The following OTOF variants were observed in gnomAD, a reference collection of about 807,000 sequenced individuals.
The protein encoded by OTOF is fer-1-like family member 2.
A neutral mutation model predicts 236.8 loss-of-function variants in OTOF; 218 were observed. That is an observed-to-expected ratio of 0.92 (90% CI 0.82 to 1.03). The LOEUF (loss-of-function observed/expected upper bound fraction) is 1.03. OTOF is among the 50% of genes least tolerant of loss of function. The probability of loss-of-function intolerance (pLI) is 0.00; values close to 1 mark genes in which losing one functional copy is unlikely to be tolerated. For synonymous variants in OTOF, 1,041 were observed against 1,072.5 expected (o/e 0.97, Z 0.57); for missense variants, 2,590 against 2,694.4 (o/e 0.96, Z 0.86).
At chr2:26,535,811 ACT>A (rs1317278649) in intron 2 of OTOF, among the ~76,000 whole-genome samples, 1 of 151,514 alleles carries the variant, frequency 6.6e-6, no homozygotes, top group African/African-American at 2.4e-5. Flanking sequence ...GCAGAGACAG[ACT>A]CTCCCCCTGA....
At chr2:26,511,071 A>G (rs1408876269) in intron 5 of OTOF, among the ~76,000 whole-genome samples, 4 of 152,166 alleles carry the variant, frequency 2.6e-5, no homozygotes, top group Non-Finnish European at 4.4e-5. Context: ...TGATTCCACA[A>G]TGTGGGTCGC....
chr2:26,548,905 G>T (rs528153445), intron 1 of OTOF, among the ~76,000 whole-genome samples: 6 of 152,124 alleles, frequency 3.9e-5, no homozygotes, highest in Non-Finnish European at 8.8e-5. Flanking sequence ...TGTAAATGAG[G>T]TTATACAGTA....
chr2:26,553,590 C>T (rs553354306), intron 1 of OTOF, among the ~76,000 whole-genome samples: 9 of 152,296 alleles, frequency 5.9e-5, no homozygotes, highest in Middle Eastern at 3.4e-3. Flanking sequence ...CACGTGTGGT[C>T]GCAGTAAGGC....
intron 16 of OTOF, 63 bp downstream of exon 16, chr2:26,480,140 C>G: frequency 1.1e-6 from 1 of 925,650 alleles, no homozygotes; most frequent in South Asian, 1.3e-5. Context: ...GCAGCCTAGG[C>G]CTGAAGCCCC....
intron 46 of OTOF, 42 bp downstream of exon 46, chr2:26,459,966 G>A (rs1664381422): frequency 6.5e-7 from 1 of 1,544,950 alleles, no homozygotes; most frequent in Non-Finnish European, 8.7e-7. Context: ...GCACGCGCCT[G>A]CCTAGCCCTT....
Position 26,480,815 on chromosome 2 carries a change from G to A in OTOF, c.1774C>T (p.Gln592Ter). Residue 592 changes from glutamine to a stop codon, truncating the protein, a stop_gained, in exon 15 of 47, where the codon CAG becomes TAG. Coordinates refer to ENST00000272371, the MANE Select transcript of OTOF (RefSeq NM_194248.3). LOFTEE classifies it high-confidence loss of function. ...GAGATGGGCGTGGCCTGCTCCACCT[G>A]CACCTCTGTGGAGCTGGTGAGCTCA... is the stretch of plus-strand genomic sequence containing the variant. ...NPELTSSTEV[Q>*]VEQATPISES... 1.2e-6 allele frequency: 2 copies of A among 1,612,618 alleles called. No homozygotes were observed.
At chr2:26,542,711 G>A (rs575561019) in intron 1 of OTOF, among the ~76,000 whole-genome samples, 48 of 152,340 alleles carry the variant, frequency 3.2e-4, no homozygotes, top group African/African-American at 1.1e-3. Flanking sequence ...GGACAGGGGA[G>A]TCCCGATGGT....
chr2:26,478,977 G>A (rs527735933), intron 18 of OTOF, among the ~76,000 whole-genome samples: 1 of 152,306 alleles, frequency 6.6e-6, no homozygotes, highest in African/African-American at 2.4e-5. Context: ...GGGATTACAG[G>A]CGTGAGCCAC....
At chr2:26,530,365 C>T (rs993069403) in intron 2 of OTOF, among the ~76,000 whole-genome samples, 3 of 152,090 alleles carry the variant, frequency 2.0e-5, no homozygotes, top group Admixed American at 2.0e-4. Flanking sequence ...TTCCGGGGCC[C>T]CTGACTGCAG....
At chr2:26,480,752 G>A in intron 15 of OTOF, 34 bp downstream of exon 15, 2 of 1,560,120 alleles carry the variant, frequency 1.3e-6, no homozygotes, top group East Asian at 2.2e-5. Flanking sequence ...TGAGCTGGAG[G>A]CCCTGGGGGA....
At chr2:26,534,102 G>A (rs568359311) in intron 2 of OTOF, among the ~76,000 whole-genome samples, 39 of 152,272 alleles carry the variant, frequency 2.6e-4, no homozygotes, top group African/African-American at 8.7e-4. Context: ...AGATAGACTC[G>A]GGTTTAAATC....
intron 3 of OTOF, among the ~76,000 whole-genome samples, chr2:26,525,666 G>A (rs1666783940): frequency 6.6e-6 from 1 of 152,184 alleles, no homozygotes. Context: ...TGAAAAGATG[G>A]ATGGATGGAT....
intron 24 of OTOF, 117 bp from the exon 25 acceptor site, chr2:26,475,610 G>A: frequency 8.5e-7 from 1 of 1,169,734 alleles, no homozygotes; most frequent in Non-Finnish European, 1.3e-6. Flanking sequence ...AGTGACAGGT[G>A]TCTTGATTCT....
chr2:26,465,601 T>A (rs1664686175), intron 38 of OTOF, 71 bp downstream of exon 38: 1 of 1,508,670 alleles, frequency 6.6e-7, no homozygotes, highest in Non-Finnish European at 9.2e-7. Context: ...ATCACCAGGA[T>A]CTGAATCTCA....
At chr2:26,531,461 G>A (rs991792236) in intron 2 of OTOF, among the ~76,000 whole-genome samples, 7 of 152,168 alleles carry the variant, frequency 4.6e-5, no homozygotes, top group African/African-American at 9.7e-5. Flanking sequence ...GACAGCAGTC[G>A]TAAGTGACAC....
chr2:26,467,068 G>T, intron 35 of OTOF, 31 bp downstream of exon 35: 4 of 1,609,996 alleles, frequency 2.5e-6, no homozygotes, highest in Non-Finnish European at 3.4e-6. Flanking sequence ...GCTGGCGGGT[G>T]CTCAGGCTGG....
intron 1 of OTOF, among the ~76,000 whole-genome samples, chr2:26,557,983 G>A (rs13007870): frequency 0.57 from 85,922 of 151,414 alleles, 24,868 homozygotes; most frequent in Admixed American, 0.63. Flanking sequence ...AGGGGCTCCC[G>A]GGGTTCCCGC....
rs569100510 is a variant in OTOF at position 26,551,275 on chromosome 2, GC to G, written c.79+7217del. On this transcript the variant is annotated intron_variant, in intron 1 of 46. Coordinates refer to ENST00000272371, the MANE Select transcript of OTOF (RefSeq NM_194248.3). ...CAAAGTGCTGGGATTACAGGCGTGA[GC>G]CACCATGCCCAGCCCTTTCATGGCC... Among the ~76,000 whole-genome samples the G allele has an allele frequency of 1.4e-4, 22 of 152,364 alleles. No individual in the cohort carries two copies. In the East Asian group the frequency reaches 4.2e-3, roughly 29 times the overall value.
At chr2:26,514,203 G>C (rs1020026749) in intron 5 of OTOF, among the ~76,000 whole-genome samples, 1 of 152,284 alleles carries the variant, frequency 6.6e-6, no homozygotes, top group African/African-American at 2.4e-5. Context: ...CAGCCCCAGT[G>C]GCAGCAGGGA....
Sources: allele counts gnomAD v4.1 joint callset (sites outside exome capture counted in the v4.1 genomes callset), GRCh38; gene constraint gnomAD v4.1.1; transcripts MANE v1.5; gene names NCBI Gene and HGNC (gene_info 2026-07-23, HGNC 2026-07-21).